The following USP22 variants were observed in gnomAD, a reference collection of about 807,000 sequenced individuals.
USP22 encodes the protein ubiquitin carboxyl-terminal hydrolase 22.
In USP22, 22 loss-of-function variants were observed where a neutral mutation model predicts 68.1. That is an observed-to-expected ratio of 0.32 (90% confidence interval 0.23 to 0.46). The LOEUF (loss-of-function observed/expected upper bound fraction) is 0.46, where lower values mean the gene tolerates loss of function less well. Among genes scored for constraint, USP22 ranks in the 20% least tolerant of loss-of-function variants. The pLI is 1.00. For synonymous variants in USP22, 279 were observed against 274.2 expected (o/e 1.02, Z -0.17); for missense variants, 433 against 695.8 (o/e 0.62, Z 4.25).
chr17:21,025,189 C>G (rs1972204938), intron 2 of USP22, among the ~76,000 whole-genome samples: 1 of 152,044 alleles, frequency 6.6e-6, no homozygotes, highest in African/African-American at 2.4e-5. Flanking sequence ...ACAACAAAAA[C>G]CAAACAACCC....
intron 6 of USP22, among the ~76,000 whole-genome samples, chr17:21,013,766 G>A (rs911743739): frequency 3.9e-5 from 6 of 152,208 alleles, no homozygotes; most frequent in Non-Finnish European, 8.8e-5. Flanking sequence ...ATCCATACAG[G>A]AAGGCGCAAA....
intron 1 of USP22, among the ~76,000 whole-genome samples, chr17:21,030,804 G>A (rs1465040007): frequency 6.6e-6 from 1 of 152,176 alleles, no homozygotes; most frequent in Non-Finnish European, 1.5e-5. Context: ...ATCTTGGATT[G>A]AATCCTATAC....
At position 21,006,999 on chromosome 17, in the gene USP22, G is replaced by A. The variant is rs1913802892; in HGVS notation, c.1231-12C>T. Reference sequence around the variant, plus strand: ...GAGTGTTCAAATCGCTGCAGAAATAGGAAGGGGACAGAGGGAAGAGGAAAG... The same window carrying A: ...GAGTGTTCAAATCGCTGCAGAAATAAGAAGGGGACAGAGGGAAGAGGAAAG... On this transcript the variant is annotated splice_polypyrimidine_tract_variant and intron_variant, in intron 9 of 12. Transcript: ENST00000261497. The A allele has an allele frequency of 1.9e-6, 3 of 1,588,256 alleles. No individual in the cohort carries two copies. The highest frequency in any genetic ancestry group is 2.6e-6 in the Non-Finnish European group (3 of 1,165,832).
At chr17:21,005,237 G>C (rs1306205577) in intron 10 of USP22, 1 of 528,072 alleles carries the variant, frequency 1.9e-6, no homozygotes, top group African/African-American at 1.9e-5. Flanking sequence ...CTTCCAAGGT[G>C]GGTCCTGAAT....
At chr17:21,026,263 G>A (rs1194180359) in intron 2 of USP22, among the ~76,000 whole-genome samples, 1 of 152,314 alleles carries the variant, frequency 6.6e-6, no homozygotes. Context: ...ATGTCCATAA[G>A]AAAACAGCTG....
chr17:21,015,571 CCTCT>C (rs758723053), intron 6 of USP22, 177 bp downstream of exon 6: 1 of 806,910 alleles, frequency 1.2e-6, no homozygotes, highest in Non-Finnish European at 1.8e-6. Flanking sequence ...CTAGGAGGAG[CCTCT>C]CTGAGGTCAT....
At chr17:21,021,656 G>A (rs1271655208) in intron 2 of USP22, among the ~76,000 whole-genome samples, 3 of 152,222 alleles carry the variant, frequency 2.0e-5, no homozygotes, top group Non-Finnish European at 4.4e-5. Context: ...GCAACTTGCT[G>A]TGACTTTTGT....
chr17:21,027,014 G>A lies in USP22; in HGVS notation c.304+1528C>T, dbSNP rs145081473. ...GAGACGGGGTTTCACCATGTTGGCC[G>A]GGATGGTCTCGATCTCCAGTCTGCC... is the stretch of plus-strand genomic sequence containing the variant. On this transcript the variant is annotated intron_variant, in intron 2 of 12. Transcript: ENST00000261497. Among the ~76,000 whole-genome samples the A allele has an allele frequency of 8.6e-3, 1,307 of 151,724 alleles. 25 individuals are homozygous for A. The highest frequency in any genetic ancestry group is 0.029 in the African/African-American group (1,207 of 41,350).
intron 4 of USP22, among the ~76,000 whole-genome samples, chr17:21,018,523 T>C (rs1972115610): frequency 6.6e-6 from 1 of 152,108 alleles, no homozygotes; most frequent in Admixed American, 6.5e-5. Flanking sequence ...GAGACCAGCC[T>C]GGGCAACATG....
intron 1 of USP22, among the ~76,000 whole-genome samples, chr17:21,032,761 A>C (rs1341480983): frequency 6.6e-6 from 1 of 151,930 alleles, no homozygotes. Flanking sequence ...CCAAATGGTG[A>C]AACCTCATCT....
intron 9 of USP22, 90 bp from the exon 10 acceptor site, chr17:21,007,077 CTG>C: frequency 1.8e-6 from 2 of 1,091,844 alleles, no homozygotes; most frequent in Non-Finnish European, 1.3e-6. Flanking sequence ...TGACAGGTGT[CTG>C]TGTTATCTCT....
At chr17:21,006,186 T>TA (rs1347896536) in intron 10 of USP22, among the ~76,000 whole-genome samples, 1 of 152,238 alleles carries the variant, frequency 6.6e-6, no homozygotes, top group Non-Finnish European at 1.5e-5. Flanking sequence ...AGGAAACTCC[T>TA]ATGTGTCTCA....
rs749774578 is a variant in USP22, at chr17:21,004,981, G to T, written c.1332C>A (p.Ser444Arg). The T allele has an allele frequency of 1.2e-6, 2 of 1,614,070 alleles. No homozygotes were observed. The highest frequency in any genetic ancestry group is 2.7e-5 in the African/African-American group (2 of 74,942). Reference sequence around the variant, plus strand: ...GCTGCTGGTACTGTCCATTCATCCTGCTCTCTTTGCTGTAACAGACAACGG... The same window carrying T: ...GCTGCTGGTACTGTCCATTCATCCTTCTCTCTTTGCTGTAACAGACAACGG... ...MTPFMASSKESRMNGQYQQPT... is the reference protein window; with the variant it reads ...MTPFMASSKERRMNGQYQQPT... Residue 444 changes from serine to arginine, a missense_variant, in exon 11 of 13, where the codon AGC (serine) becomes AGA (arginine). Physicochemically the swap from Ser to Arg is moderately radical, Grantham distance 110. Transcript: ENST00000261497.
intron 6 of USP22, among the ~76,000 whole-genome samples, chr17:21,014,778 G>C (rs550805600): frequency 2.6e-5 from 4 of 152,146 alleles, no homozygotes; most frequent in Non-Finnish European, 4.4e-5. Flanking sequence ...TAACTGATAG[G>C]ATATCGGCTA....
intron 3 of USP22, among the ~76,000 whole-genome samples, chr17:21,020,264 A>AAAGG (rs1972138504): frequency 7.8e-6 from 1 of 128,142 alleles, no homozygotes; most frequent in Admixed American, 7.9e-5. Context: ...AAAAAAAAAA[A>AAAGG]AAAAAGGAAA....
rs1383063132 is a variant in USP22 at position 21,001,679 on chromosome 17, T to C, written c.*1352A>G. On this transcript the variant is annotated 3_prime_UTR_variant, in exon 13 of 13. Transcript: ENST00000261497. Reference sequence around the variant, plus strand: ...AGGACTGAAGAAGCCTCAGTTCAGATGCTGCTGGGGCTCCTGGGACAAGCA... The same window carrying C: ...AGGACTGAAGAAGCCTCAGTTCAGACGCTGCTGGGGCTCCTGGGACAAGCA... 5 of 152,230 alleles carry C rather than the reference T, an allele frequency of 3.3e-5. No homozygotes were observed. The highest frequency in any genetic ancestry group is 1.2e-4 in the African/African-American group (5 of 41,452). 9.4% of individuals were successfully genotyped at this position (152,230 alleles called of 1,614,324 possible). A position where few individuals can be genotyped will look rare whatever the true frequency, so the allele number is the denominator to read the frequency against.
At chr17:21,018,577 T>TG (rs1443745935) in intron 4 of USP22, among the ~76,000 whole-genome samples, 1 of 151,876 alleles carries the variant, frequency 6.6e-6, no homozygotes, top group Non-Finnish European at 1.5e-5. Flanking sequence ...CCAAACATGG[T>TG]GGTGTGCACC....
rs1913581242 is a variant in USP22, at chr17:21,001,633, G to GA, written c.*1397dup. 1 of 152,184 alleles carries GA rather than the reference G, an allele frequency of 6.6e-6. No homozygotes were observed. 9.4% of individuals were successfully genotyped at this position (152,184 alleles called of 1,614,324 possible). A position where few individuals can be genotyped will look rare whatever the true frequency, so the allele number is the denominator to read the frequency against. ...TATGAAAACATCTGCCCACCGCTGA[G>GA]ACAGATGATCCTGTTCCTGCAGGAC... On this transcript the variant is annotated 3_prime_UTR_variant, in exon 13 of 13. Coordinates refer to ENST00000261497, the MANE Select transcript of USP22 (RefSeq NM_015276.2).
At chr17:21,038,356 G>C (rs1299577487) in intron 1 of USP22, among the ~76,000 whole-genome samples, 1 of 152,262 alleles carries the variant, frequency 6.6e-6, no homozygotes, top group South Asian at 2.1e-4. Context: ...ACCTGGCTGA[G>C]CCAGTAAAGA....
Sources: allele counts gnomAD v4.1 joint callset (sites outside exome capture counted in the v4.1 genomes callset), GRCh38; gene constraint gnomAD v4.1.1; transcripts MANE v1.5; gene names NCBI Gene and HGNC (gene_info 2026-07-23, HGNC 2026-07-21).